Variants in VPS13D observed in about 807,000 individuals in gnomAD.
VPS13D encodes the protein vacuolar protein sorting 13 homolog D.
In VPS13D, 187 loss-of-function variants were observed where a neutral mutation model predicts 461.9. That is an observed-to-expected ratio of 0.40 (90% confidence interval 0.36 to 0.46). The LOEUF (loss-of-function observed/expected upper bound fraction) is 0.46. Ranked by LOEUF, VPS13D falls within the 20% of genes least tolerant of loss-of-function variation. The pLI, the probability that VPS13D is intolerant of heterozygous loss-of-function variation, is 0.60. For missense variants in VPS13D, 4,711 were observed against 5,364.9 expected (o/e 0.88, Z 3.81); for synonymous variants, 1,951 against 1,986.3 (o/e 0.98, Z 0.47).
Position 12,403,984 on chromosome 1 carries a change from A to C in VPS13D, c.12030+11A>C. On this transcript the variant is annotated intron_variant, in intron 63 of 69. Transcript: ENST00000620676. ...CCATTGGATCTTAAGGTGAGCTGCTATTTGGGTAAATTTTTTTAGATGATT... is the reference window on the plus strand; with the variant it reads ...CCATTGGATCTTAAGGTGAGCTGCTCTTTGGGTAAATTTTTTTAGATGATT... The C allele has an allele frequency of 6.4e-7, 1 of 1,566,674 alleles. No individual in the cohort carries two copies. The highest frequency in any genetic ancestry group is 8.6e-7 in the Non-Finnish European group (1 of 1,161,180).
rs1486344761 is a variant in VPS13D at position 12,271,010 on chromosome 1, T to C, written c.1989T>C (p.Ser663=). 3.1e-6 allele frequency: 5 copies of C among 1,613,930 alleles called. No individual in the cohort carries two copies. The highest frequency in any genetic ancestry group is 1.7e-4 in the Middle Eastern group (1 of 6,058). Residue 663 remains serine (S), a synonymous_variant, in exon 17 of 70, where the codon TCT becomes TCC. Coordinates refer to ENST00000620676, the MANE Select transcript of VPS13D (RefSeq NM_015378.4). Reference sequence around the variant, plus strand: ...ACCTTGCAGGTTTTGGTTATCAGTCTGAACTTGAGCTGAGAGTGGCTGAAG... The same window carrying C: ...ACCTTGCAGGTTTTGGTTATCAGTCCGAACTTGAGCTGAGAGTGGCTGAAG... ...KVHTSGFGYQ[S]ELELRVAEAA...
At chr1:12,429,127 G>C (rs998562731) in intron 65 of VPS13D, among the ~76,000 whole-genome samples, 2 of 150,098 alleles carry the variant, frequency 1.3e-5, no homozygotes, top group African/African-American at 4.9e-5. Context: ...TTTTTTGCCA[G>C]TCTCCCCTCT....
At position 12,369,556 on chromosome 1, in the gene VPS13D, C is replaced by A. The variant is rs2295338; in HGVS notation, c.10662C>A (p.Asp3554Glu). The A allele has an allele frequency of 6.2e-7, 1 of 1,614,096 alleles. No homozygotes were observed. Among genetic ancestry groups the A allele is most frequent in the Admixed American group, 1.7e-5 (1 of 60,008 alleles). The change falls in exon 54 of 70, where the codon GAC (aspartate) becomes GAA (glutamate). Residue 3554 changes from aspartate to glutamate, a missense_variant. Transcript: ENST00000620676. Reference sequence around the variant, plus strand: ...TGACTTCATTGGATTATGCCTGGGACGAACCCACCTTGCCACCTTTTATCA... The same window carrying A: ...TGACTTCATTGGATTATGCCTGGGAAGAACCCACCTTGCCACCTTTTATCA... ...KPMTSLDYAW[D>E]EPTLPPFITL... is the part of the protein sequence containing the mutation.
rs181627588 is a variant in VPS13D at position 12,414,820 on chromosome 1, C to T, written c.12031-267C>T. ...TAAAACATGACAAACAGATACAAAA[C>T]AGACTAAAAGGAATTATGACACAAA... On this transcript the variant is annotated intron_variant, in intron 63 of 69. Coordinates refer to ENST00000620676, the MANE Select transcript of VPS13D (RefSeq NM_015378.4). Among the ~76,000 whole-genome samples the T allele has an allele frequency of 9.0e-4, 137 of 152,298 alleles. 3 individuals carry two copies. In the East Asian group the frequency reaches 0.017, roughly 19 times the overall value.
intron 52 of VPS13D, among the ~76,000 whole-genome samples, chr1:12,366,201 A>G (rs1407237979): frequency 1.3e-5 from 2 of 152,168 alleles, no homozygotes; most frequent in Non-Finnish European, 2.9e-5. Flanking sequence ...GAGCCACCAT[A>G]CCTGGCCCCA....
At chr1:12,500,490 C>T (rs956086674) in intron 68 of VPS13D, among the ~76,000 whole-genome samples, 2 of 151,962 alleles carry the variant, frequency 1.3e-5, no homozygotes, top group East Asian at 3.9e-4. Flanking sequence ...TATAACGGTG[C>T]ACACCAGGCT....
In VPS13D at chr1:12,385,260, A is replaced by G; in HGVS notation, c.11371A>G (p.Ile3791Val). The change falls in exon 59 of 70, where the codon ATA becomes GTA. Residue 3791 changes from isoleucine to valine, a missense_variant and splice_region_variant. Coordinates refer to ENST00000620676, the MANE Select transcript of VPS13D (RefSeq NM_015378.4). ...IPDGPTRALQITDFCHRKSSR... is the reference protein window; with the variant it reads ...IPDGPTRALQVTDFCHRKSSR... ...CTTGTGGTGTTTTATTTGACTTCAG[A>G]TAACAGATTTCTGCCACCGGAAAAG... is the stretch of plus-strand genomic sequence containing the variant. 6.2e-7 allele frequency: 1 copy of G among 1,613,150 alleles called. No homozygotes were observed. Among genetic ancestry groups the G allele is most frequent in the Non-Finnish European group, 8.5e-7 (1 of 1,179,390 alleles).
intron 6 of VPS13D, among the ~76,000 whole-genome samples, chr1:12,252,670 G>T (rs1219630612): frequency 6.6e-6 from 1 of 151,676 alleles, no homozygotes; most frequent in Non-Finnish European, 1.5e-5. Flanking sequence ...TACTTGGGAG[G>T]CTGAGGCAGG....
intron 60 of VPS13D, among the ~76,000 whole-genome samples, chr1:12,391,824 AT>A (rs1256597941): frequency 2.0e-5 from 3 of 152,138 alleles, no homozygotes; most frequent in Non-Finnish European, 2.9e-5. Context: ...AGCAGTGGGG[AT>A]AAACACTTTT....
chr1:12,504,617 C>T (rs141533512), intron 68 of VPS13D, among the ~76,000 whole-genome samples: 1 of 152,336 alleles, frequency 6.6e-6, no homozygotes, highest in Non-Finnish European at 1.5e-5. Context: ...AAGCAACGGA[C>T]TCGGCCAGAG....
At chr1:12,382,226 T>C (rs1306580252) in intron 57 of VPS13D, among the ~76,000 whole-genome samples, 1 of 151,858 alleles carries the variant, frequency 6.6e-6, no homozygotes, top group Admixed American at 6.6e-5. Context: ...CTCAGCCTCC[T>C]GAGTAGCTGG....
chr1:12,483,586 T>C (rs902451289), intron 67 of VPS13D, among the ~76,000 whole-genome samples: 1 of 152,214 alleles, frequency 6.6e-6, no homozygotes, highest in African/African-American at 2.4e-5. Flanking sequence ...CTTCCAGATA[T>C]TAACAAAGTT....
At chr1:12,405,670 GGGGAAAACCAT>G (rs771178336) in intron 63 of VPS13D, among the ~76,000 whole-genome samples, 9 of 152,156 alleles carry the variant, frequency 5.9e-5, no homozygotes, top group Non-Finnish European at 1.0e-4. Flanking sequence ...ATGGGAGTGA[GGGGAAAACCAT>G]GGGAAAACCA....
intron 50 of VPS13D, among the ~76,000 whole-genome samples, chr1:12,362,505 C>T (rs1643966112): frequency 6.6e-6 from 1 of 152,224 alleles, no homozygotes. Flanking sequence ...GATCTTGCCT[C>T]TGAACCTTTT....
chr1:12,283,876 C>T (rs541909947), intron 21 of VPS13D, 140 bp downstream of exon 21: 5 of 899,170 alleles, frequency 5.6e-6, no homozygotes, highest in South Asian at 1.9e-5. Context: ...GTGTTTGCTA[C>T]GAAAGGTAGA....
At position 12,256,349 on chromosome 1, in the gene VPS13D, G is replaced by C; in HGVS notation, c.686G>C (p.Ser229Thr). The change falls in exon 8 of 70, where the codon AGC becomes ACC. Residue 229 changes from serine (S) to threonine (T), a missense_variant. Ser to Thr is a moderately conservative substitution (Grantham distance 58). Coordinates refer to ENST00000620676, the MANE Select transcript of VPS13D (RefSeq NM_015378.4). ...QMELQEAMARSMESRSHHYVL... is the reference protein window; with the variant it reads ...QMELQEAMARTMESRSHHYVL... ...GACACACAGGAGGCCATGGCCAGGA[G>C]CATGGAGAGTCGCAGCCATCACTAC... 2 of 1,613,852 alleles carry C rather than the reference G, an allele frequency of 1.2e-6. No homozygotes were observed. The highest frequency in any genetic ancestry group is 1.7e-6 in the Non-Finnish European group (2 of 1,179,998).
At chr1:12,335,851 TTAAC>T (rs781525541) in intron 39 of VPS13D, 24 bp downstream of exon 39, 2 of 1,613,748 alleles carry the variant, frequency 1.2e-6, no homozygotes, top group Non-Finnish European at 1.7e-6. Flanking sequence ...CTACATGTGT[TTAAC>T]TAAATCACTT....
intron 67 of VPS13D, among the ~76,000 whole-genome samples, chr1:12,488,868 C>G (rs991955768): frequency 6.6e-6 from 1 of 152,016 alleles, no homozygotes; most frequent in African/African-American, 2.4e-5. Context: ...TTGAGAGATT[C>G]CAATAAGCAC....
intron 68 of VPS13D, among the ~76,000 whole-genome samples, chr1:12,503,477 C>T (rs1490228144): frequency 6.6e-6 from 1 of 152,124 alleles, no homozygotes; most frequent in Non-Finnish European, 1.5e-5. Flanking sequence ...AGCCACCATG[C>T]TCTGCCCTAA....
Sources: allele counts gnomAD v4.1 joint callset (sites outside exome capture counted in the v4.1 genomes callset), GRCh38; gene constraint gnomAD v4.1.1; transcripts MANE v1.5; gene names NCBI Gene and HGNC (gene_info 2026-07-23, HGNC 2026-07-21).